TNFRSF11A: variants seen among roughly 807,000 people sequenced by gnomAD.
TNFRSF11A encodes the protein tumor necrosis factor receptor superfamily member 11A.
Under a neutral mutation model 55.7 loss-of-function variants are expected in TNFRSF11A, and 32 were observed. That is an observed-to-expected ratio of 0.57 (90% CI 0.43 to 0.77). The LOEUF is 0.77. TNFRSF11A is among the 30% of genes least tolerant of loss of function. The pLI is 0.00. For synonymous variants in TNFRSF11A, 311 were observed against 331.0 expected (o/e 0.94, Z 0.65); for missense variants, 753 against 809.8 (o/e 0.93, Z 0.85).
chr18:62,348,581 AAATGC>A (rs2046419300), intron 2 of TNFRSF11A, among the ~76,000 whole-genome samples: 4 of 152,360 alleles, frequency 2.6e-5, no homozygotes, highest in Non-Finnish European at 5.9e-5. Flanking sequence ...CTCAAATGTG[AAATGC>A]AGCTCTTACT....
chr18:62,370,825 CTTTTCTTTTCT>C (rs1036247649), intron 9 of TNFRSF11A, among the ~76,000 whole-genome samples: 10 of 93,948 alleles, frequency 1.1e-4, no homozygotes, highest in African/African-American at 1.8e-4. Context: ...CTTTTCTTTT[CTTTTCTTTTCT>C]TTTTTTTTTT....
rs922359524 is a variant in TNFRSF11A at position 62,386,509 on chromosome 18, A to T, written c.*1475A>T. The T allele has an allele frequency of 6.6e-6, 1 of 152,238 alleles. No individual in the cohort carries two copies. Among genetic ancestry groups the T allele is most frequent in the Non-Finnish European group, 1.5e-5 (1 of 68,028 alleles). The allele number at this position is 152,238 out of a possible 1,614,324, so 9.4% of individuals were successfully genotyped here. The stretch of plus-strand genomic sequence containing the variant: ...CTAGAGGACGCTCCAGGTGGAAGGA[A>T]ATCCCCTGGGTGGTTTTATCTTTTG... On this transcript the variant is annotated 3_prime_UTR_variant, in exon 10 of 10. Transcript: ENST00000586569.
chr18:62,370,312 A>C (rs999062388), intron 9 of TNFRSF11A, among the ~76,000 whole-genome samples: 1 of 152,196 alleles, frequency 6.6e-6, no homozygotes, highest in Non-Finnish European at 1.5e-5. Flanking sequence ...CTCTTTGAGA[A>C]TCTTCCGAAA....
chr18:62,376,379 G>C (rs1910900060), intron 9 of TNFRSF11A, among the ~76,000 whole-genome samples: 1 of 150,926 alleles, frequency 6.6e-6, no homozygotes, highest in African/African-American at 2.4e-5. Flanking sequence ...AGGAGAGGAG[G>C]CAAGAGGGGA....
chr18:62,363,316 G>A (rs1391013297), intron 7 of TNFRSF11A, among the ~76,000 whole-genome samples: 2 of 151,470 alleles, frequency 1.3e-5, no homozygotes, highest in South Asian at 2.1e-4. Flanking sequence ...GGAAAGATGG[G>A]GATTGCAGAT....
chr18:62,326,303 G>C (rs747129803), intron 1 of TNFRSF11A, among the ~76,000 whole-genome samples: 1 of 152,214 alleles, frequency 6.6e-6, no homozygotes, highest in Admixed American at 6.5e-5. Flanking sequence ...AGAGGCGTGG[G>C]GAGGGACGCA....
intron 3 of TNFRSF11A, among the ~76,000 whole-genome samples, chr18:62,351,831 C>T (rs935521288): frequency 2.6e-5 from 4 of 152,220 alleles, no homozygotes; most frequent in East Asian, 3.8e-4. Context: ...GAGTCTTGCT[C>T]TGTCGCCCAA....
Position 62,369,265 on chromosome 18 carries a change from C to T in TNFRSF11A, c.1348C>T (p.Arg450Trp), listed in dbSNP as rs34945627. ...CTGGGCAGATGTCTGCACAGGCTGC[C>T]GGAACCCTCCTGGGGAGGACTGTGA... ...PNWADVCTGC[R>W]NPPGEDCEPL... Residue 450 changes from arginine (R) to tryptophan (W), a missense_variant, in exon 9 of 10, where the codon CGG becomes TGG. Physicochemically the swap from Arg to Trp is moderately radical, Grantham distance 101 (BLOSUM62 -3). This residue lies in a region of TNFRSF11A where 567 missense variants were observed against 596.7 expected (regional missense o/e 0.95). Coordinates refer to ENST00000586569, the MANE Select transcript of TNFRSF11A (RefSeq NM_003839.4). The T allele has an allele frequency of 4.7e-4, 752 of 1,613,368 alleles. 3 individuals carry two copies. In the African/African-American group the frequency reaches 8.6e-3, roughly 18 times the overall value.
In TNFRSF11A at chr18:62,383,785, A is replaced by C. The variant is rs1317692944; in HGVS notation, c.1568-966A>C. ...AGGGACAAAACACCCTTCAGAGTTC[A>C]GAAGGGAAAAGTGATTTATAGGACT... On this transcript the variant is annotated intron_variant, in intron 9 of 9. Transcript: ENST00000586569. The surrounding 1 kb of genome is among the most constrained non-coding windows in gnomAD (Gnocchi z 4.2). Among the ~76,000 whole-genome samples, 1 of 152,196 alleles carries C rather than the reference A, an allele frequency of 6.6e-6. No individual in the cohort carries two copies. Among genetic ancestry groups the C allele is most frequent in the Non-Finnish European group, 1.5e-5 (1 of 68,036 alleles).
chr18:62,369,443 C>A lies in TNFRSF11A; in HGVS notation c.1526C>A (p.Ala509Asp). 1.9e-6 allele frequency: 3 copies of A among 1,610,172 alleles called. No homozygotes were observed. In the East Asian group the frequency reaches 6.7e-5, roughly 36 times the overall value. ...GRLPSSARAG[A>D]GSGSSPGGQS... ...CTCCCAAGCTCAGCGAGGGCAGGTG[C>A]CGGGTCTGGAAGCTCCCCTGGTGGC... Residue 509 changes from alanine to aspartate, a missense_variant, in exon 9 of 10, where the codon GCC becomes GAC. By Grantham distance (126) the Ala-to-Asp change is moderately radical. Transcript: ENST00000586569.
chr18:62,384,853 A>T lies in TNFRSF11A; in HGVS notation c.1670A>T (p.Glu557Val). The change falls in exon 10 of 10, where the codon GAG (glutamate) becomes GTG (valine). Residue 557 changes from glutamate (E) to valine (V), a missense_variant. This residue lies in a region of TNFRSF11A where 567 missense variants were observed against 596.7 expected (regional missense o/e 0.95). Transcript: ENST00000586569. Reference protein sequence around the residue: ...IVVYVSQTSQEGAAAAAEPMG... With the variant: ...IVVYVSQTSQVGAAAAAEPMG... ...GTCTACGTCAGCCAGACCTCGCAGG[A>T]GGGCGCGGCGGCGGCTGCGGAGCCC... 2 of 1,608,454 alleles carry T rather than the reference A, an allele frequency of 1.2e-6. No individual in the cohort carries two copies. Among genetic ancestry groups the T allele is most frequent in the South Asian group, 1.1e-5 (1 of 89,674 alleles).
At position 62,383,457 on chromosome 18, in the gene TNFRSF11A, A is replaced by G. The variant is rs1911438533; in HGVS notation, c.1568-1294A>G. On this transcript the variant is annotated intron_variant, in intron 9 of 9. Coordinates refer to ENST00000586569, the MANE Select transcript of TNFRSF11A (RefSeq NM_003839.4). The surrounding 1 kb of genome is among the most constrained non-coding windows in gnomAD (Gnocchi z 4.2). ...ATTTTATTTGTATGAATTATTACTA[A>G]GCTGAGTCACAATGGAGAAGAAAAA... 6.6e-6 allele frequency among the ~76,000 whole-genome samples: 1 copy of G among 152,174 alleles called. No individual in the cohort carries two copies. Among genetic ancestry groups the G allele is most frequent in the African/African-American group, 2.4e-5 (1 of 41,428 alleles).
Position 62,388,069 on chromosome 18 carries a change from T to C in TNFRSF11A, c.*3035T>C, listed in dbSNP as rs939986929. 1 of 152,402 alleles carries C rather than the reference T, an allele frequency of 6.6e-6. No homozygotes were observed. Among genetic ancestry groups the C allele is most frequent in the Non-Finnish European group, 1.5e-5 (1 of 68,220 alleles). The allele number at this position is 152,402 out of a possible 1,614,324, so 9.4% of individuals were successfully genotyped here. ...GTTCAAGGTTACTGTGAGCTTTGAT[T>C]GGGTCAGTGCACTCCAGTGTAAAAA... On this transcript the variant is annotated 3_prime_UTR_variant, in exon 10 of 10. Coordinates refer to ENST00000586569, the MANE Select transcript of TNFRSF11A (RefSeq NM_003839.4).
intron 9 of TNFRSF11A, among the ~76,000 whole-genome samples, chr18:62,380,475 C>T (rs1445145175): frequency 7.0e-6 from 1 of 142,566 alleles, no homozygotes; most frequent in Admixed American, 7.2e-5. Flanking sequence ...CTCACTCTGT[C>T]GCCCAGGCTG....
At chr18:62,359,282 T>G (rs1052665598) in intron 5 of TNFRSF11A, among the ~76,000 whole-genome samples, 2 of 152,228 alleles carry the variant, frequency 1.3e-5, no homozygotes, top group African/African-American at 4.8e-5. Context: ...TCTGATTCAC[T>G]TATCCAAATT....
At chr18:62,329,488 G>A (rs1340732214) in intron 1 of TNFRSF11A, among the ~76,000 whole-genome samples, 2 of 152,230 alleles carry the variant, frequency 1.3e-5, no homozygotes, top group African/African-American at 4.8e-5. Context: ...TTGTGGGACG[G>A]CCTTTCTGTG....
In TNFRSF11A at chr18:62,369,502, C is replaced by A; in HGVS notation, c.1567+18C>A. ...TGCATCTGGTAAGTGACTTCCCAGT[C>A]TCTCACTTCTGAGCAGAAGGGCCAG... On this transcript the variant is annotated intron_variant, in intron 9 of 9. Transcript: ENST00000586569. The A allele has an allele frequency of 1.9e-6, 3 of 1,601,870 alleles. No homozygotes were observed. The highest frequency in any genetic ancestry group is 2.5e-6 in the Non-Finnish European group (3 of 1,179,894).
chr18:62,364,789 A>G (rs1228940415), intron 7 of TNFRSF11A, among the ~76,000 whole-genome samples: 1 of 152,190 alleles, frequency 6.6e-6, no homozygotes, highest in African/African-American at 2.4e-5. Flanking sequence ...TACTACGTAC[A>G]TCTTCACAAC....
chr18:62,369,651 C>T (rs192305755), intron 9 of TNFRSF11A, among the ~76,000 whole-genome samples, 167 bp downstream of exon 9: 2 of 152,352 alleles, frequency 1.3e-5, no homozygotes, highest in Non-Finnish European at 2.9e-5. Context: ...ATTCAGTCCA[C>T]GTGTTTGGTT....
Sources: allele counts gnomAD v4.1 joint callset (sites outside exome capture counted in the v4.1 genomes callset), GRCh38; gene constraint gnomAD v4.1.1; regional missense constraint gnomAD v4.1.1; non-coding constraint Gnocchi (gnomAD v3.1); transcripts MANE v1.5; gene names NCBI Gene and HGNC (gene_info 2026-07-23, HGNC 2026-07-21).